The following TMEM165 variants were observed in gnomAD, a reference collection of about 807,000 sequenced individuals.
TMEM165 encodes the protein putative divalent cation/proton antiporter TMEM165.
In TMEM165, 19 loss-of-function variants were observed where a neutral mutation model predicts 30.0. The ratio of observed to expected loss-of-function variants is 0.63; its 90% CI spans 0.44 to 0.93. TMEM165 has a LOEUF of 0.93. Ranked by LOEUF, TMEM165 falls within the 40% of genes least tolerant of loss-of-function variation. The pLI is 0.00. For synonymous variants in TMEM165, 168 were observed against 162.9 expected, an observed-to-expected ratio of 1.03 and a Z score of -0.24; for missense variants, 340 against 417.0, an observed-to-expected ratio of 0.82 and a Z score of 1.61.
Position 55,425,459 on chromosome 4 carries a change from G to A in TMEM165, c.*7G>A, listed in dbSNP as rs768947566. ...CCCTGATTCTGGTTTTTAACAAGCT[G>A]TTTGTTCATCTATATTTAGTTTAAA... On this transcript the variant is annotated 3_prime_UTR_variant, in exon 6 of 6. Transcript: ENST00000381334. 6.3e-6 allele frequency: 10 copies of A among 1,594,756 alleles called. No homozygotes were observed. In the Middle Eastern group the frequency reaches 9.9e-4, roughly 158 times the overall value.
intron 4 of TMEM165, chr4:55,423,810 G>GAT (rs1222183759): frequency 6.6e-6 from 1 of 152,314 alleles, no homozygotes; most frequent in Non-Finnish European, 1.5e-5. Context: ...ACTCCAAGAT[G>GAT]ATAGGGTCCT....
At chr4:55,397,267 C>T (rs187938135) in intron 1 of TMEM165, 1 of 152,334 alleles carries the variant, frequency 6.6e-6, no homozygotes, top group African/African-American at 2.4e-5. Context: ...TGTCAGAAGT[C>T]GTCGGTGAGT....
chr4:55,403,708 C>T (rs540873604), intron 1 of TMEM165, among the ~76,000 whole-genome samples: 4 of 152,270 alleles, frequency 2.6e-5, no homozygotes, highest in South Asian at 4.1e-4. Context: ...ATATATAACA[C>T]TGTATAACTG....
chr4:55,425,445 GT>G lies in TMEM165; in HGVS notation c.973del (p.Ter325AsnfsTer11). 6.3e-7 allele frequency: 1 copy of G among 1,595,448 alleles called. No individual in the cohort carries two copies. Among genetic ancestry groups the G allele is most frequent in the Non-Finnish European group, 8.5e-7 (1 of 1,171,806 alleles). On this transcript the variant is annotated frameshift_variant, in exon 6 of 6. Transcript: ENST00000381334. LOFTEE classifies it high-confidence loss of function. Reference sequence around the variant, plus strand: ...GCACTATTTATAAGCCCTGATTCTGGTTTTTAACAAGCTGTTTGTTCATCTA... The same window carrying G: ...GCACTATTTATAAGCCCTGATTCTGGTTTTAACAAGCTGTTTGTTCATCTA... Reference protein sequence around the residue: ...FSALFISPDSGF With the variant: ...FSALFISPDSXF
chr4:55,409,890 C>T (rs1042409439), intron 1 of TMEM165, among the ~76,000 whole-genome samples: 2 of 152,180 alleles, frequency 1.3e-5, no homozygotes, highest in African/African-American at 2.4e-5. Context: ...TTAGTTCTGC[C>T]TCTTAGGACC....
intron 1 of TMEM165, among the ~76,000 whole-genome samples, chr4:55,410,210 A>AT (rs1721433030): frequency 6.6e-6 from 1 of 152,190 alleles, no homozygotes; most frequent in South Asian, 2.1e-4. Flanking sequence ...CTGGTTTTAG[A>AT]GTCTGACATC....
chr4:55,425,329 A>G (rs1437516409), intron 5 of TMEM165, 47 bp from the exon 6 acceptor site: 2 of 1,478,640 alleles, frequency 1.4e-6, no homozygotes, highest in South Asian at 1.1e-5. Flanking sequence ...TACAGTATCA[A>G]GGTATAGGAA....
chr4:55,411,462 C>T (rs1293652402), intron 1 of TMEM165, 152 bp from the exon 2 acceptor site: 12 of 667,036 alleles, frequency 1.8e-5, no homozygotes, highest in East Asian at 5.5e-5. Flanking sequence ...CAGAGGTTAC[C>T]GTCGTTACTG....
intron 3 of TMEM165, chr4:55,443,545 T>C (rs1185293397): frequency 1.5e-6 from 1 of 687,936 alleles, no homozygotes; most frequent in East Asian, 2.7e-5. Flanking sequence ...AATATTTTAA[T>C]AATCACTCTC....
chr4:55,440,330 C>A (rs1723257100), intron 3 of TMEM165, among the ~76,000 whole-genome samples: 1 of 152,156 alleles, frequency 6.6e-6, no homozygotes, highest in Admixed American at 6.6e-5. Flanking sequence ...TCTTTCCCTG[C>A]TTCCTTTTGC....
intron 1 of TMEM165, chr4:55,398,888 AC>A (rs34607086): frequency 0.03 from 944 of 31,166 alleles, 8 homozygotes; most frequent in South Asian, 0.068. Flanking sequence ...AAAAAAAAAA[AC>A]AACAACCCGA....
chr4:55,418,101 T>G, intron 4 of TMEM165, 116 bp downstream of exon 4: 1 of 933,718 alleles, frequency 1.1e-6, no homozygotes. Context: ...TGCAAGACTG[T>G]TTTACATCTG....
intron 3 of TMEM165, among the ~76,000 whole-genome samples, chr4:55,444,278 T>A (rs372109360): frequency 1.3e-5 from 2 of 152,222 alleles, no homozygotes; most frequent in African/African-American, 4.8e-5. Flanking sequence ...TCATACATAC[T>A]GGTATCTTAA....
At chr4:55,444,504 T>C in intron 3 of TMEM165, 1 of 1,091,782 alleles carries the variant, frequency 9.2e-7, no homozygotes, top group Non-Finnish European at 1.4e-6. Context: ...AGGTAACCAG[T>C]GAATATTTAT....
rs370138167 is a variant in TMEM165, at chr4:55,411,854, C to A, written c.433+15C>A. Reference sequence around the variant, plus strand: ...ATGCTTGTCAGGTGAGTGTGCTTTTCCCTCTCATGAGTTCGCTGAATTAAA... The same window carrying A: ...ATGCTTGTCAGGTGAGTGTGCTTTTACCTCTCATGAGTTCGCTGAATTAAA... On this transcript the variant is annotated intron_variant, in intron 2 of 5. Transcript: ENST00000381334. 9.8e-4 allele frequency: 1,587 copies of A among 1,612,308 alleles called. 3 individuals are homozygous for A. The highest frequency in any genetic ancestry group is 1.1e-3 in the Non-Finnish European group (1,303 of 1,178,446).
exon 4 of TMEM165, chr4:55,453,287 T>C (rs1724631234): frequency 1.6e-6 from 1 of 626,378 alleles, no homozygotes. Flanking sequence ...TGTCTTAATT[T>C]AACTTGCATT....
intron 3 of TMEM165, chr4:55,435,328 A>T: frequency 2.6e-6 from 4 of 1,509,658 alleles, no homozygotes; most frequent in Non-Finnish European, 2.8e-6. Flanking sequence ...AACTGCTGGA[A>T]CTTTCCCTCC....
intron 1 of TMEM165, among the ~76,000 whole-genome samples, chr4:55,400,272 A>AATATAATATTATATATAATATTAT (rs1553884920): frequency 1.7e-3 from 139 of 83,176 alleles, no homozygotes; most frequent in Non-Finnish European, 2.7e-3. Context: ...TATAATATAT[A>AATATAATATTATATATAATATTAT]ATATAATATT....
At chr4:55,448,619 T>C (rs866618800) in intron 3 of TMEM165, among the ~76,000 whole-genome samples, 3,312 of 150,434 alleles carry the variant, frequency 0.022, 131 homozygotes, top group African/African-American at 0.077. Context: ...TGTGTGTGTG[T>C]GTGTGTGTGT....
Sources: allele counts gnomAD v4.1 joint callset (sites outside exome capture counted in the v4.1 genomes callset), GRCh38; gene constraint gnomAD v4.1.1; transcripts MANE v1.5; gene names NCBI Gene and HGNC (gene_info 2026-07-23, HGNC 2026-07-21).